The following LRRTM4 variants were observed in gnomAD, a reference collection of about 807,000 sequenced individuals.
LRRTM4 encodes the protein leucine-rich repeat transmembrane neuronal protein 4.
Under a neutral mutation model 47.6 loss-of-function variants are expected in LRRTM4, and 25 were observed. The ratio of observed to expected loss-of-function variants is 0.53; its 90% confidence interval spans 0.38 to 0.73. The LOEUF (loss-of-function observed/expected upper bound fraction) is 0.73. Ranked by LOEUF, LRRTM4 falls within the 30% of genes least tolerant of loss-of-function variation. The pLI, the probability that LRRTM4 is intolerant of heterozygous loss-of-function variation, is 0.00. For synonymous variants in LRRTM4, 311 were observed against 269.5 expected (o/e 1.15, Z -1.51); for missense variants, 638 against 713.4 (o/e 0.89, Z 1.20).
intron 3 of LRRTM4, among the ~76,000 whole-genome samples, chr2:77,439,791 T>C (rs566595687): frequency 6.6e-6 from 1 of 152,270 alleles, no homozygotes; most frequent in South Asian, 2.1e-4. Flanking sequence ...TTGTGCCATT[T>C]TTCATAAATT....
intron 3 of LRRTM4, among the ~76,000 whole-genome samples, chr2:77,222,749 T>A (rs1674676531): frequency 1.3e-5 from 2 of 152,118 alleles, no homozygotes; most frequent in Non-Finnish European, 2.9e-5. Flanking sequence ...CAGGACCAGA[T>A]GGATTCACAG....
At chr2:76,900,485 T>C (rs1415837272) in intron 3 of LRRTM4, among the ~76,000 whole-genome samples, 1 of 152,154 alleles carries the variant, frequency 6.6e-6, no homozygotes, top group African/African-American at 2.4e-5. Context: ...ATATATCTAA[T>C]AGGGCAATGG....
intron 3 of LRRTM4, among the ~76,000 whole-genome samples, chr2:77,054,576 A>C (rs1349489766): frequency 6.6e-6 from 1 of 152,194 alleles, no homozygotes; most frequent in Admixed American, 6.5e-5. Context: ...GGATAGGTAC[A>C]AGCCAGAGAA....
intron 3 of LRRTM4, among the ~76,000 whole-genome samples, chr2:76,774,016 A>G (rs1424500626): frequency 6.6e-6 from 1 of 152,162 alleles, no homozygotes; most frequent in Non-Finnish European, 1.5e-5. Context: ...GAAAGACACC[A>G]CAGTCAAAAT....
chr2:77,343,461 G>A (rs1271523883), intron 3 of LRRTM4, among the ~76,000 whole-genome samples: 1 of 152,010 alleles, frequency 6.6e-6, no homozygotes. Context: ...CTCTGAACTA[G>A]TAGTAATCAG....
chr2:77,165,713 T>C (rs1328369531), intron 3 of LRRTM4, among the ~76,000 whole-genome samples: 1 of 152,152 alleles, frequency 6.6e-6, no homozygotes, highest in African/African-American at 2.4e-5. Flanking sequence ...AAAAACCACA[T>C]GATTATCTCA....
intron 3 of LRRTM4, among the ~76,000 whole-genome samples, chr2:76,977,776 C>T (rs1190195056): frequency 4.6e-5 from 7 of 151,986 alleles, no homozygotes; most frequent in Non-Finnish European, 1.0e-4. Flanking sequence ...AAGGAACAAT[C>T]TAAAGCATAG....
chr2:76,807,282 C>G (rs966369555), intron 3 of LRRTM4, among the ~76,000 whole-genome samples: 1 of 151,006 alleles, frequency 6.6e-6, no homozygotes, highest in Non-Finnish European at 1.5e-5. Context: ...GTGGTATGCC[C>G]TCATTGTTTA....
chr2:76,916,823 C>T (rs1674269205), intron 3 of LRRTM4, among the ~76,000 whole-genome samples: 1 of 152,220 alleles, frequency 6.6e-6, no homozygotes, highest in African/African-American at 2.4e-5. Flanking sequence ...CCCCAGCTTG[C>T]TTCTTAGCAG....
rs200452484 is a variant in LRRTM4, at chr2:77,264,009, G to GT, written c.1551+254308dup. On this transcript the variant is annotated intron_variant, in intron 3 of 3. Transcript: ENST00000409884. ...ATATGTTAAACCGAAACTTCTTTAA[G>GT]TTTTTTTTTTTAATAGAATTTTATC... 8.4e-3 allele frequency among the ~76,000 whole-genome samples: 1,232 copies of GT among 147,376 alleles called. 13 individuals carry two copies. The highest frequency in any genetic ancestry group is 0.032 in the South Asian group (149 of 4,720).
chr2:76,771,122 C>T (rs927382056), intron 3 of LRRTM4, among the ~76,000 whole-genome samples: 2 of 130,388 alleles, frequency 1.5e-5, no homozygotes, highest in African/African-American at 6.5e-5. Flanking sequence ...CAGATTTAAT[C>T]CTGAAAAAAA....
intron 3 of LRRTM4, among the ~76,000 whole-genome samples, chr2:76,834,006 T>C (rs1374082332): frequency 7.0e-6 from 1 of 141,870 alleles, no homozygotes; most frequent in African/African-American, 2.7e-5. Context: ...AAGCCCTTGT[T>C]TTTCATTTAT....
chr2:77,012,496 G>A (rs984447602), intron 3 of LRRTM4, among the ~76,000 whole-genome samples: 1 of 152,104 alleles, frequency 6.6e-6, no homozygotes, highest in African/African-American at 2.4e-5. Flanking sequence ...TCATTTAACT[G>A]CAGAGATACT....
intron 3 of LRRTM4, among the ~76,000 whole-genome samples, chr2:77,423,358 G>T (rs368423609): frequency 4.6e-4 from 69 of 151,562 alleles, no homozygotes; most frequent in African/African-American, 1.6e-3. Context: ...TGAATATAAG[G>T]TCTCATCATT....
Position 77,477,955 on chromosome 2 carries a change from GAAAGAAAGAA to G in LRRTM4, c.1551+40353_1551+40362del, listed in dbSNP as rs1293838298. ...AGAAAGAAAGAAAGAAAGAAAGAAA[GAAAGAAAGAA>G]AGAAAAAGAAAAAAAGCCACATGAG... On this transcript the variant is annotated intron_variant, in intron 3 of 3. Transcript: ENST00000409884. Among the ~76,000 whole-genome samples the G allele has an allele frequency of 2.5e-3, 277 of 113,056 alleles. 3 individuals are homozygous for G. Among genetic ancestry groups the G allele is most frequent in the African/African-American group, 8.7e-3 (262 of 30,200 alleles). 74.2% of individuals were successfully genotyped at this position (113,056 alleles called of 152,430 possible).
chr2:76,838,765 T>C (rs183254756), intron 3 of LRRTM4, among the ~76,000 whole-genome samples: 43 of 152,210 alleles, frequency 2.8e-4, no homozygotes, highest in South Asian at 1.0e-3. Flanking sequence ...TATTTTGACG[T>C]TGAACATGGG....
intron 3 of LRRTM4, among the ~76,000 whole-genome samples, chr2:77,377,832 T>G (rs1672894832): frequency 6.6e-6 from 1 of 152,040 alleles, no homozygotes; most frequent in Non-Finnish European, 1.5e-5. Flanking sequence ...CTATTTGGTC[T>G]GAAGGTATTT....
intron 3 of LRRTM4, among the ~76,000 whole-genome samples, chr2:77,351,917 A>G (rs1275451455): frequency 6.6e-6 from 1 of 151,976 alleles, no homozygotes; most frequent in South Asian, 2.1e-4. Flanking sequence ...GGTTGATAAT[A>G]CTCTGCTTTT....
chr2:77,135,541 G>C (rs1229406415), intron 3 of LRRTM4, among the ~76,000 whole-genome samples: 1 of 152,086 alleles, frequency 6.6e-6, no homozygotes, highest in Non-Finnish European at 1.5e-5. Context: ...AAATATAGGA[G>C]GATTTGATCG....
Sources: allele counts gnomAD v4.1 joint callset (sites outside exome capture counted in the v4.1 genomes callset), GRCh38; gene constraint gnomAD v4.1.1; transcripts MANE v1.5; gene names NCBI Gene and HGNC (gene_info 2026-07-23, HGNC 2026-07-21).